OSBP2: variants seen among roughly 807,000 people sequenced by gnomAD.
The protein encoded by OSBP2 is oxysterol-binding protein 2.
OSBP2 carries 66 observed loss-of-function variants against 96.0 expected under a neutral mutation model. The observed-to-expected ratio is 0.69, with a 90% CI of 0.56 to 0.84. OSBP2 has a LOEUF of 0.84. Ranked by LOEUF, OSBP2 falls within the 40% of genes least tolerant of loss-of-function variation. The probability of loss-of-function intolerance (pLI) is 0.00; values close to 1 mark genes in which losing one functional copy is unlikely to be tolerated. For missense variants in OSBP2, 1,038 were observed against 1,222.7 expected, an observed-to-expected ratio of 0.85 and a Z score of 2.25; for synonymous variants, 525 against 520.9, an observed-to-expected ratio of 1.01 and a Z score of -0.11.
At chr22:30,789,284 A>G (rs2090640264) in intron 2 of OSBP2, among the ~76,000 whole-genome samples, 1 of 152,156 alleles carries the variant, frequency 6.6e-6, no homozygotes, top group Non-Finnish European at 1.5e-5. Flanking sequence ...TCGAGGTTGT[A>G]GGAGAGAGGA....
intron 2 of OSBP2, among the ~76,000 whole-genome samples, chr22:30,858,875 G>A (rs369320047): frequency 1.3e-5 from 1 of 78,448 alleles, no homozygotes; most frequent in African/African-American, 6.3e-5. Context: ...GCGAGACTCT[G>A]TCTCAATAAT....
intron 1 of OSBP2, among the ~76,000 whole-genome samples, chr22:30,719,074 C>G (rs993121943): frequency 6.6e-6 from 1 of 152,134 alleles, no homozygotes; most frequent in African/African-American, 2.4e-5. Flanking sequence ...CTTCTAGAGA[C>G]GGGATTAGAG....
chr22:30,711,939 A>G (rs1188744576), intron 1 of OSBP2, among the ~76,000 whole-genome samples: 1 of 151,970 alleles, frequency 6.6e-6, no homozygotes, highest in African/African-American at 2.4e-5. Context: ...AGACTTTGTC[A>G]CTTTATTCAG....
chr22:30,892,870 C>CACCCCT (rs1014720358), intron 8 of OSBP2, among the ~76,000 whole-genome samples: 1 of 152,174 alleles, frequency 6.6e-6, no homozygotes, highest in Non-Finnish European at 1.5e-5. Context: ...GGTCCACCAT[C>CACCCCT]ACCCCTATTT....
rs2040339759 is a variant in OSBP2, at chr22:30,906,448, TC to T, written c.*111del. 7.6e-7 allele frequency: 1 copy of T among 1,308,072 alleles called. No homozygotes were observed. The highest frequency in any genetic ancestry group is 1.5e-5 in the African/African-American group (1 of 65,282). 81.0% of individuals were successfully genotyped at this position (1,308,072 alleles called of 1,614,324 possible). On this transcript the variant is annotated 3_prime_UTR_variant, in exon 14 of 14. Transcript: ENST00000332585. ...TTTCTCCCAGCCCATTCCCAGCCCT[TC>T]CTATTTCCTTTCCTATTTTTTTTTT...
intron 1 of OSBP2, among the ~76,000 whole-genome samples, chr22:30,717,796 C>A (rs146051998): frequency 6.6e-6 from 1 of 152,178 alleles, no homozygotes; most frequent in Non-Finnish European, 1.5e-5. Context: ...CCAGCATCAT[C>A]ATCTCCTGCT....
At chr22:30,705,059 A>G (rs1417513985) in intron 1 of OSBP2, among the ~76,000 whole-genome samples, 1 of 152,170 alleles carries the variant, frequency 6.6e-6, no homozygotes, top group Admixed American at 6.5e-5. Flanking sequence ...GTCTCTGATC[A>G]GAGAAAGCCA....
intron 2 of OSBP2, among the ~76,000 whole-genome samples, chr22:30,790,026 A>G (rs373194280): frequency 1.1e-4 from 16 of 152,288 alleles, no homozygotes; most frequent in East Asian, 7.7e-4. Flanking sequence ...AGCAATGTGC[A>G]AGGGGAGAGG....
intron 2 of OSBP2, among the ~76,000 whole-genome samples, chr22:30,747,631 C>T (rs2090021087): frequency 1.3e-5 from 2 of 152,144 alleles, no homozygotes; most frequent in Admixed American, 6.5e-5. Context: ...TGCGGTAAGG[C>T]CCCGTGTGAT....
Position 30,735,410 on chromosome 22 carries a change from C to CTCTT in OSBP2, c.645-5750_645-5749insCTTT, listed in dbSNP as rs1555909093. Among the ~76,000 whole-genome samples, 125 of 100,638 alleles carry CTCTT rather than the reference C, an allele frequency of 1.2e-3. 1 individual carries two copies. Among genetic ancestry groups the CTCTT allele is most frequent in the African/African-American group, 5.0e-3 (123 of 24,470 alleles). 66.0% of individuals were successfully genotyped at this position (100,638 alleles called of 152,430 possible). A position where few individuals can be genotyped will look rare whatever the true frequency, so the allele number is the denominator to read the frequency against. On this transcript the variant is annotated intron_variant, in intron 1 of 13. Transcript: ENST00000332585. ...TCTTCTTTTTTCTTCTCTTCTCTCTCTTTTTTTTTTTTTTTTTTTTTTGAG... is the reference window on the plus strand; with the variant it reads ...TCTTCTTTTTTCTTCTCTTCTCTCTCTCTTTTTTTTTTTTTTTTTTTTTTTTGAG...
rs768413026 is a variant in OSBP2 at position 30,905,859 on chromosome 22, T to C, written c.2398T>C (p.Tyr800His). 6.2e-7 allele frequency: 1 copy of C among 1,613,308 alleles called. No homozygotes were observed. Among genetic ancestry groups the C allele is most frequent in the Admixed American group, 1.7e-5 (1 of 60,000 alleles). Reference sequence around the variant, plus strand: ...CAGGGAGAACGCGGAGAACATGTACTACTTCTCAGAGCTGGCCCTGACCCT... The same window carrying C: ...CAGGGAGAACGCGGAGAACATGTACCACTTCTCAGAGCTGGCCCTGACCCT... ...PLPENAENMY[Y>H]FSELALTLNE... Residue 800 changes from tyrosine to histidine, a missense_variant, in exon 13 of 14, where the codon TAC becomes CAC. By Grantham distance (83) the Tyr-to-His change is moderately conservative (BLOSUM62 2). This residue lies in a region of OSBP2 where 737 missense variants were observed against 913.3 expected (regional missense o/e 0.81). Transcript: ENST00000332585.
intron 2 of OSBP2, among the ~76,000 whole-genome samples, chr22:30,742,220 C>T (rs971651803): frequency 7.9e-5 from 12 of 151,884 alleles, no homozygotes; most frequent in African/African-American, 2.9e-4. Context: ...ATCACGAGGT[C>T]AGGAGTTTGA....
At chr22:30,878,208 C>T (rs761571144) in intron 3 of OSBP2, among the ~76,000 whole-genome samples, 2 of 152,022 alleles carry the variant, frequency 1.3e-5, no homozygotes, top group Non-Finnish European at 2.9e-5. Flanking sequence ...CCAAGTGACT[C>T]AATGCCAATG....
intron 1 of OSBP2, among the ~76,000 whole-genome samples, chr22:30,706,438 C>T (rs572769178): frequency 1.3e-5 from 2 of 152,044 alleles, no homozygotes; most frequent in Admixed American, 1.3e-4. Flanking sequence ...CATTTAATAC[C>T]GATTTAACAA....
At chr22:30,877,364 G>A (rs1433162270) in intron 3 of OSBP2, among the ~76,000 whole-genome samples, 1 of 152,114 alleles carries the variant, frequency 6.6e-6, no homozygotes, top group East Asian at 1.9e-4. Flanking sequence ...AATGACTTTG[G>A]TTTTTAGAAT....
At chr22:30,716,594 C>T (rs1036445853) in intron 1 of OSBP2, among the ~76,000 whole-genome samples, 9 of 151,570 alleles carry the variant, frequency 5.9e-5, no homozygotes, top group African/African-American at 1.5e-4. Flanking sequence ...CCCACCACCA[C>T]GCCTGGCTAA....
intron 3 of OSBP2, among the ~76,000 whole-genome samples, chr22:30,874,427 G>GA (rs552162235): frequency 2.9e-4 from 44 of 151,816 alleles, no homozygotes; most frequent in Middle Eastern, 3.4e-3. Context: ...AAAGAAAAAA[G>GA]AAAAAAAGAA....
chr22:30,730,772 CTCTATA>C (rs1457814785), intron 1 of OSBP2, among the ~76,000 whole-genome samples: 19 of 20,574 alleles, frequency 9.2e-4, no homozygotes, highest in Non-Finnish European at 1.1e-3. Context: ...CTCTCTCTCT[CTCTATA>C]TATATATATA....
chr22:30,837,145 C>T (rs887903794), intron 2 of OSBP2, among the ~76,000 whole-genome samples: 2 of 151,738 alleles, frequency 1.3e-5, no homozygotes, highest in African/African-American at 4.8e-5. Context: ...ACCTGTAATC[C>T]CAGCTACTAG....
Sources: gnomAD v4.1 joint callset for allele counts (sites outside exome capture counted in the v4.1 genomes callset) on GRCh38, gnomAD v4.1.1 for gene constraint, gnomAD v4.1.1 regional missense constraint, MANE v1.5 for transcripts, NCBI Gene and HGNC (gene_info 2026-07-23, HGNC 2026-07-21) for gene names.